The following LINGO2 variants were observed in gnomAD, a reference collection of about 807,000 sequenced individuals.
LINGO2 encodes the protein leucine rich repeat and Ig domain containing 2.
LINGO2 carries 14 observed loss-of-function variants against 30.6 expected under a neutral mutation model. That is an observed-to-expected ratio of 0.46 (90% CI 0.30 to 0.72). The LOEUF (loss-of-function observed/expected upper bound fraction) is 0.72. LINGO2 is among the 30% of genes least tolerant of loss of function. LINGO2 has a pLI of 0.07. For synonymous variants in LINGO2, 317 were observed against 288.5 expected, an observed-to-expected ratio of 1.10 and a Z score of -1.00; for missense variants, 729 against 751.7, an observed-to-expected ratio of 0.97 and a Z score of 0.35.
chr9:28,557,096 T>C (rs981917882), intron 1 of LINGO2, among the ~76,000 whole-genome samples: 8 of 152,058 alleles, frequency 5.3e-5, no homozygotes, highest in Non-Finnish European at 1.2e-4. Context: ...GGCAAGGACT[T>C]CATGTCTAAA....
At chr9:28,347,258 T>C (rs12551000) in intron 3 of LINGO2, among the ~76,000 whole-genome samples, 5,571 of 152,242 alleles carry the variant, frequency 0.037, 126 homozygotes, top group East Asian at 0.086. Flanking sequence ...CTTTATTGGA[T>C]ATTTAAATAT....
At chr9:28,498,735 T>A (rs1371961853) in intron 1 of LINGO2, among the ~76,000 whole-genome samples, 3 of 152,092 alleles carry the variant, frequency 2.0e-5, no homozygotes, top group Non-Finnish European at 4.4e-5. Flanking sequence ...AAATCACCCA[T>A]CTTCTGCGTC....
intron 5 of LINGO2, among the ~76,000 whole-genome samples, chr9:27,991,486 C>A (rs1821396774): frequency 6.6e-6 from 1 of 151,978 alleles, no homozygotes; most frequent in African/African-American, 2.4e-5. Flanking sequence ...TAGGGGCAGC[C>A]ACAATTAGCA....
At chr9:28,769,536 TTTTTTTTTTA>T in the LINGO2 span, among the ~76,000 whole-genome samples, 1 of 91,814 alleles carries the variant, frequency 1.1e-5, no homozygotes, top group African/African-American at 4.8e-5. Context: ...TTTTTTTTTT[TTTTTTTTTTA>T]CCTGAATGTC....
chr9:28,022,303 T>A (rs556625372), intron 4 of LINGO2, among the ~76,000 whole-genome samples: 30 of 152,236 alleles, frequency 2.0e-4, no homozygotes, highest in Non-Finnish European at 3.1e-4. Flanking sequence ...CTATCTTCTA[T>A]AATCACTCAA....
the LINGO2 span, among the ~76,000 whole-genome samples, chr9:29,061,124 G>A: frequency 6.6e-6 from 1 of 151,824 alleles, no homozygotes; most frequent in Non-Finnish European, 1.5e-5. Context: ...AAGCAGCTAG[G>A]AAAAAAATTG....
the LINGO2 span, among the ~76,000 whole-genome samples, chr9:28,770,118 C>G: frequency 6.6e-6 from 1 of 152,154 alleles, no homozygotes; most frequent in African/African-American, 2.4e-5. Context: ...TTCCATCAGT[C>G]TTTCTTCAGC....
chr9:28,684,230 C>T, the LINGO2 span, among the ~76,000 whole-genome samples: 2 of 119,692 alleles, frequency 1.7e-5, no homozygotes, highest in Non-Finnish European at 3.2e-5. Context: ...CTCTGTCGCC[C>T]AGGCTGGAGT....
the LINGO2 span, among the ~76,000 whole-genome samples, chr9:28,740,269 T>A: frequency 1.1e-4 from 17 of 151,780 alleles, no homozygotes; most frequent in Non-Finnish European, 1.5e-5. Flanking sequence ...CTAGATCTAG[T>A]TTGTCTGTGG....
At chr9:29,045,537 T>C in the LINGO2 span, among the ~76,000 whole-genome samples, 1 of 151,082 alleles carries the variant, frequency 6.6e-6, no homozygotes, top group Non-Finnish European at 1.5e-5. Flanking sequence ...ACCATTTCAA[T>C]AGATGCTGAA....
chr9:29,015,971 A>G, the LINGO2 span, among the ~76,000 whole-genome samples: 1 of 152,142 alleles, frequency 6.6e-6, no homozygotes, highest in Non-Finnish European at 1.5e-5. Context: ...ACAATGGTCA[A>G]TTCTACTTTT....
intron 1 of LINGO2, among the ~76,000 whole-genome samples, chr9:28,499,008 T>C (rs1015561057): frequency 6.6e-6 from 1 of 152,116 alleles, no homozygotes; most frequent in African/African-American, 2.4e-5. Context: ...AAAGCAAACT[T>C]ATGGGGATGT....
At chr9:28,065,888 A>C (rs750040992) in intron 4 of LINGO2, among the ~76,000 whole-genome samples, 6 of 152,046 alleles carry the variant, frequency 3.9e-5, no homozygotes, top group Non-Finnish European at 7.4e-5. Flanking sequence ...AGAAATATTA[A>C]ATTGTTCACA....
intron 1 of LINGO2, among the ~76,000 whole-genome samples, chr9:28,635,466 TAG>T (rs1250458598): frequency 1.3e-5 from 2 of 151,940 alleles, no homozygotes; most frequent in South Asian, 2.1e-4. Context: ...TGGAAAAGTG[TAG>T]AGAGTATTCA....
At position 28,268,237 on chromosome 9, in the gene LINGO2, C is replaced by T. The variant is rs181924399; in HGVS notation, c.-87+26971G>A. On this transcript the variant is annotated intron_variant, in intron 4 of 5. Transcript: ENST00000379992. ...CGCTGATGAATCTGGGTAAACTAAT[C>T]TTTGAGAGGATGATGTCTGGTTAAC... is the stretch of plus-strand genomic sequence containing the variant. 2.7e-3 allele frequency among the ~76,000 whole-genome samples: 417 copies of T among 152,118 alleles called. 5 individuals carry two copies. The highest frequency in any genetic ancestry group is 5.0e-3 in the Non-Finnish European group (340 of 67,958).
intron 4 of LINGO2, among the ~76,000 whole-genome samples, chr9:28,163,820 T>C (rs1828354288): frequency 6.6e-6 from 1 of 152,204 alleles, no homozygotes; most frequent in Admixed American, 6.5e-5. Context: ...CTTGCCTATT[T>C]ACAGTTCACT....
At chr9:28,754,390 G>T in the LINGO2 span, among the ~76,000 whole-genome samples, 1 of 152,044 alleles carries the variant, frequency 6.6e-6, no homozygotes, top group Non-Finnish European at 1.5e-5. Flanking sequence ...TAATTCCACA[G>T]TTGATACAGA....
chr9:28,560,841 G>A lies in LINGO2; in HGVS notation c.-364-84816C>T, dbSNP rs118071605. 5.7e-3 allele frequency among the ~76,000 whole-genome samples: 858 copies of A among 151,856 alleles called. 5 individuals are homozygous for A. Among genetic ancestry groups the A allele is most frequent in the Admixed American group, 0.012 (184 of 15,248 alleles). ...ACCACCATGCTTGGCTAATTTGTGT[G>A]TGTGTGTGTTTTTGGTAGAGATGGG... On this transcript the variant is annotated intron_variant, in intron 1 of 5. Coordinates refer to ENST00000379992, the Ensembl canonical transcript of LINGO2.
chr9:29,099,295 G>A, the LINGO2 span, among the ~76,000 whole-genome samples: 3 of 152,086 alleles, frequency 2.0e-5, no homozygotes, highest in Non-Finnish European at 4.4e-5. Flanking sequence ...GAAAACATTG[G>A]GGAAACTATC....
Sources: gnomAD v4.1 joint callset for allele counts (sites outside exome capture counted in the v4.1 genomes callset) on GRCh38, gnomAD v4.1.1 for gene constraint, MANE v1.5 for transcripts, NCBI Gene and HGNC (gene_info 2026-07-23, HGNC 2026-07-21) for gene names.